Variants in COG6 observed in about 807,000 individuals in gnomAD.
The protein encoded by COG6 is conserved oligomeric Golgi complex subunit 6.
In COG6, 74 loss-of-function variants were observed where a neutral mutation model predicts 88.8. The observed-to-expected ratio is 0.83, with a 90% confidence interval of 0.69 to 1.01. The LOEUF (loss-of-function observed/expected upper bound fraction) is 1.01, where lower values mean the gene tolerates loss of function less well. Among genes scored for constraint, COG6 ranks in the 50% least tolerant of loss-of-function variants. The probability of loss-of-function intolerance (pLI) is 0.00; values close to 1 mark genes in which losing one functional copy is unlikely to be tolerated. For synonymous variants in COG6, 286 were observed against 278.7 expected (o/e 1.03, Z -0.26); for missense variants, 800 against 797.9 (o/e 1.00, Z -0.03).
At chr13:39,786,287 A>G (rs372001668) in intron 18 of COG6, among the ~76,000 whole-genome samples, 2 of 152,354 alleles carry the variant, frequency 1.3e-5, no homozygotes, top group African/African-American at 2.4e-5. Flanking sequence ...CTGCGGCAGC[A>G]TGAATAGCCA....
chr13:39,713,938 G>C (rs1055595452), intron 13 of COG6, among the ~76,000 whole-genome samples: 1 of 152,186 alleles, frequency 6.6e-6, no homozygotes, highest in Non-Finnish European at 1.5e-5. Flanking sequence ...CTTTAGAAGT[G>C]TGGTTCTTAC....
At chr13:39,748,839 T>G (rs766162811) in intron 18 of COG6, among the ~76,000 whole-genome samples, 4 of 152,182 alleles carry the variant, frequency 2.6e-5, no homozygotes, top group Admixed American at 2.6e-4. Context: ...CGTCAAGAGT[T>G]TGGACCCCAT....
chr13:39,735,594 G>A (rs940194137), intron 18 of COG6, among the ~76,000 whole-genome samples: 1 of 151,930 alleles, frequency 6.6e-6, no homozygotes, highest in Non-Finnish European at 1.5e-5. Flanking sequence ...AGTATTACCA[G>A]TGTGTTTAGT....
chr13:39,714,303 C>T (rs1467584086), intron 13 of COG6, among the ~76,000 whole-genome samples: 1 of 151,174 alleles, frequency 6.6e-6, no homozygotes, highest in Non-Finnish European at 1.5e-5. Flanking sequence ...AACTAAAATG[C>T]TTCTGTATAG....
chr13:39,737,579 G>A (rs1007169292), intron 18 of COG6, among the ~76,000 whole-genome samples: 1 of 150,640 alleles, frequency 6.6e-6, no homozygotes, highest in Non-Finnish European at 1.5e-5. Context: ...CAGAAGGAAG[G>A]AGTCTTACCC....
At chr13:39,683,587 G>T (rs1409375071) in intron 8 of COG6, among the ~76,000 whole-genome samples, 28 of 152,110 alleles carry the variant, frequency 1.8e-4, no homozygotes, top group Admixed American at 1.8e-3. Context: ...CAGCTTAACA[G>T]TTTATTCCTG....
chr13:39,737,946 C>G (rs555521162), intron 18 of COG6, among the ~76,000 whole-genome samples: 59 of 152,208 alleles, frequency 3.9e-4, no homozygotes, highest in African/African-American at 1.4e-3. Flanking sequence ...GCACTAAATT[C>G]CAGTGCTACG....
At chr13:39,684,375 G>T (rs1231681401) in intron 8 of COG6, among the ~76,000 whole-genome samples, 1 of 142,524 alleles carries the variant, frequency 7.0e-6, no homozygotes, top group African/African-American at 2.6e-5. Context: ...TCAGCCTCCC[G>T]AGTAGCTGGG....
intron 18 of COG6, among the ~76,000 whole-genome samples, chr13:39,745,973 T>C (rs541681914): frequency 1.0e-3 from 152 of 152,180 alleles, no homozygotes; most frequent in African/African-American, 3.2e-3. Context: ...CTAAGCACAC[T>C]GTCCCAAGGA....
intron 18 of COG6, among the ~76,000 whole-genome samples, chr13:39,746,710 A>G (rs1252894398): frequency 6.6e-6 from 1 of 152,230 alleles, no homozygotes; most frequent in Non-Finnish European, 1.5e-5. Context: ...CAGATAGATC[A>G]GTTGATTGAT....
At chr13:39,788,239 C>A in intron 18 of COG6, 1 of 1,242,944 alleles carries the variant, frequency 8.0e-7, no homozygotes, top group Non-Finnish European at 1.2e-6. Flanking sequence ...ATATTTATTT[C>A]AGCCCTCCCT....
chr13:39,750,899 A>C, intron 18 of COG6, 47 bp from the exon 19 acceptor site: 1 of 1,447,128 alleles, frequency 6.9e-7, no homozygotes, highest in Non-Finnish European at 9.7e-7. Context: ...CTTAGTAAAT[A>C]TATTTTTTTC....
At chr13:39,725,901 G>A (rs1879111368) in intron 17 of COG6, among the ~76,000 whole-genome samples, 1 of 151,860 alleles carries the variant, frequency 6.6e-6, no homozygotes, top group Admixed American at 6.6e-5. Context: ...ACTTAGATCT[G>A]TAACATTAGT....
At chr13:39,693,118 A>G (rs1877076445) in intron 11 of COG6, among the ~76,000 whole-genome samples, 1 of 151,956 alleles carries the variant, frequency 6.6e-6, no homozygotes, top group Non-Finnish European at 1.5e-5. Flanking sequence ...TGTGTGGCAA[A>G]CAAAGCATTC....
At chr13:39,753,598 AC>A (rs1880736877), downstream of COG6, among the ~76,000 whole-genome samples, 1 of 151,802 alleles carries the variant, frequency 6.6e-6, no homozygotes, top group African/African-American at 2.4e-5. Flanking sequence ...CAAACATCAC[AC>A]CCATCTCCTC....
At chr13:39,708,882 T>G (rs1035963516) in intron 13 of COG6, among the ~76,000 whole-genome samples, 1 of 152,146 alleles carries the variant, frequency 6.6e-6, no homozygotes, top group Non-Finnish European at 1.5e-5. Flanking sequence ...GTACCAGTAG[T>G]GTAGTTGCAG....
intron 18 of COG6, among the ~76,000 whole-genome samples, chr13:39,772,301 A>G (rs1881340672): frequency 6.6e-6 from 1 of 152,074 alleles, no homozygotes; most frequent in African/African-American, 2.4e-5. Flanking sequence ...TCCAGAATAT[A>G]TTGTACCTGC....
rs1879196462 is a variant in COG6 at position 39,727,493 on chromosome 13, G to A, written c.1771G>A (p.Ala591Thr). 1.2e-6 allele frequency: 2 copies of A among 1,612,774 alleles called. No homozygotes were observed. Among genetic ancestry groups the A allele is most frequent in the Admixed American group, 3.3e-5 (2 of 59,994 alleles). Residue 591 changes from alanine (A) to threonine (T), a missense_variant, in exon 18 of 19, where the codon GCC (alanine) becomes ACC (threonine). By Grantham distance (58) the Ala-to-Thr change is moderately conservative. Transcript: ENST00000455146. ...GGTTCAGTTTGATCGTTATCTGTCA[G>A]CCCCAGACAACCTATTGATACCACA... ...AMVQFDRYLS[A>T]PDNLLIPQLN...
intron 18 of COG6, among the ~76,000 whole-genome samples, chr13:39,775,111 G>T (rs543408720): frequency 6.6e-6 from 1 of 152,162 alleles, no homozygotes; most frequent in African/African-American, 2.4e-5. Flanking sequence ...AGGCCGTCAG[G>T]CATCATGGGT....
Sources: allele counts gnomAD v4.1 joint callset (sites outside exome capture counted in the v4.1 genomes callset), GRCh38; gene constraint gnomAD v4.1.1; transcripts MANE v1.5; gene names NCBI Gene and HGNC (gene_info 2026-07-23, HGNC 2026-07-21).